The following MTUS2 variants were observed in gnomAD, a reference collection of about 807,000 sequenced individuals.
MTUS2 encodes the protein microtubule associated scaffold protein 2.
A neutral mutation model predicts 114.1 loss-of-function variants in MTUS2; 40 were observed. That is an observed-to-expected ratio of 0.35 (90% CI 0.27 to 0.46). The LOEUF is 0.46. Ranked by LOEUF, MTUS2 falls within the 20% of genes least tolerant of loss-of-function variation. MTUS2 has a pLI of 1.00. For missense variants in MTUS2, 1,679 were observed against 1,705.4 expected (o/e 0.98, Z 0.27); for synonymous variants, 688 against 672.0 (o/e 1.02, Z -0.37).
rs542859447 is a variant in MTUS2 at position 28,943,305 on chromosome 13, C to T, written c.-242-81152C>T. Among the ~76,000 whole-genome samples the T allele has an allele frequency of 4.6e-4, 70 of 152,266 alleles. 1 individual carries two copies. In the Middle Eastern group the frequency reaches 0.01, roughly 22 times the overall value. On this transcript the variant is annotated intron_variant, in intron 2 of 15. Coordinates refer to ENST00000612955, the MANE Select transcript of MTUS2 (RefSeq NM_001033602.4). The stretch of plus-strand genomic sequence containing the variant: ...GATAAACATTTACTGAGTTTCTGCT[C>T]GTGTATCTGGCATTGGGCTAGTGAT...
At chr13:29,160,600 C>A (rs1051109418) in intron 5 of MTUS2, among the ~76,000 whole-genome samples, 10 of 152,080 alleles carry the variant, frequency 6.6e-5, no homozygotes, top group Middle Eastern at 3.2e-3. Flanking sequence ...AAAACCCTGT[C>A]TTTACTAAAA....
chr13:28,820,859 G>A (rs1474884135), intron 1 of MTUS2, among the ~76,000 whole-genome samples: 5 of 152,200 alleles, frequency 3.3e-5, no homozygotes, highest in Non-Finnish European at 7.4e-5. Context: ...TGCTTTAGAG[G>A]CGTTGGTAGG....
chr13:29,244,824 C>T (rs1008723448), intron 5 of MTUS2, among the ~76,000 whole-genome samples: 17 of 149,264 alleles, frequency 1.1e-4, no homozygotes, highest in Admixed American at 1.0e-3. Context: ...GGCATAGTGG[C>T]GGGCGCCTGT....
chr13:29,057,525 A>C (rs751879569), intron 4 of MTUS2, among the ~76,000 whole-genome samples: 4 of 152,104 alleles, frequency 2.6e-5, no homozygotes, highest in Non-Finnish European at 5.9e-5. Flanking sequence ...CTTCTCATTG[A>C]ACTGAATCCT....
At chr13:29,151,506 T>C (rs571107671) in intron 5 of MTUS2, among the ~76,000 whole-genome samples, 118 of 152,208 alleles carry the variant, frequency 7.8e-4, no homozygotes, top group Non-Finnish European at 1.1e-3. Context: ...ACTTCCTCTC[T>C]TCCTGTTTGG....
At chr13:28,957,307 A>G (rs1403459651) in intron 2 of MTUS2, among the ~76,000 whole-genome samples, 4 of 152,182 alleles carry the variant, frequency 2.6e-5, no homozygotes, top group African/African-American at 4.8e-5. Context: ...TTCAATACCC[A>G]TGTTTCCTTT....
chr13:29,111,221 A>T (rs545480940), intron 5 of MTUS2, among the ~76,000 whole-genome samples: 1 of 152,244 alleles, frequency 6.6e-6, no homozygotes, highest in African/African-American at 2.4e-5. Flanking sequence ...GGTTCTTCCA[A>T]AATTAATGAT....
At chr13:29,450,446 T>C (rs1026570651) in intron 9 of MTUS2, among the ~76,000 whole-genome samples, 4 of 152,188 alleles carry the variant, frequency 2.6e-5, no homozygotes, top group Admixed American at 2.0e-4. Flanking sequence ...GTGCTCAGTG[T>C]GTGTTAATTC....
chr13:29,358,806 T>TA (rs1484834171), intron 7 of MTUS2, among the ~76,000 whole-genome samples: 1 of 152,152 alleles, frequency 6.6e-6, no homozygotes, highest in African/African-American at 2.4e-5. Flanking sequence ...AAAGGGTCAC[T>TA]AGAGCAGCCT....
In MTUS2 at chr13:29,344,021, T is replaced by G. The variant is rs546241091; in HGVS notation, c.2906-15241T>G. On this transcript the variant is annotated intron_variant, in intron 7 of 15. Transcript: ENST00000612955. ...TTCCACTGTGGTTTGAAAGAGTACTTGATGTAATTTCAATTTTCTGAAATT... is the reference window on the plus strand; with the variant it reads ...TTCCACTGTGGTTTGAAAGAGTACTGGATGTAATTTCAATTTTCTGAAATT... Among the ~76,000 whole-genome samples the G allele has an allele frequency of 1.3e-3, 192 of 152,272 alleles. 1 individual carries two copies. Among genetic ancestry groups the G allele is most frequent in the Admixed American group, 3.1e-3 (47 of 15,302 alleles).
At chr13:28,896,880 A>G (rs1161958260) in intron 2 of MTUS2, among the ~76,000 whole-genome samples, 1 of 152,202 alleles carries the variant, frequency 6.6e-6, no homozygotes, top group East Asian at 1.9e-4. Context: ...TCCCTTCCTT[A>G]CACCTTATAC....
chr13:29,487,216 C>G (rs1300350354), intron 10 of MTUS2, among the ~76,000 whole-genome samples: 1 of 152,108 alleles, frequency 6.6e-6, no homozygotes, highest in Non-Finnish European at 1.5e-5. Flanking sequence ...CTGGTATTGG[C>G]GAGAGAATCC....
rs1566172268 is a variant in MTUS2, at chr13:29,389,321, A to ATGTGTG, written c.3117+29849_3117+29850insGTGTGT. On this transcript the variant is annotated intron_variant, in intron 8 of 15. Coordinates refer to ENST00000612955, the MANE Select transcript of MTUS2 (RefSeq NM_001033602.4). ...TGTATATGTGTATATATGTATACAC[A>ATGTGTG]TATGTGTGTATATATGTATGCACGT... Among the ~76,000 whole-genome samples, 65 of 54,822 alleles carry ATGTGTG rather than the reference A, an allele frequency of 1.2e-3. 1 individual carries two copies. The highest frequency in any genetic ancestry group is 7.6e-3 in the Admixed American group (32 of 4,232). 36.0% of individuals were successfully genotyped at this position (54,822 alleles called of 152,430 possible).
At chr13:29,369,024 C>T (rs4643156) in intron 8 of MTUS2, among the ~76,000 whole-genome samples, 29,309 of 151,920 alleles carry the variant, frequency 0.19, 3,032 homozygotes, top group Middle Eastern at 0.25. Context: ...AGAAGCCAAA[C>T]GGAGGGGGCA....
chr13:29,219,450 T>C lies in MTUS2; in HGVS notation c.2645-62254T>C, dbSNP rs1455290968. On this transcript the variant is annotated intron_variant, in intron 5 of 15. Coordinates refer to ENST00000612955, the MANE Select transcript of MTUS2 (RefSeq NM_001033602.4). Reference sequence around the variant, plus strand: ...ATAAACATACGTGTGCATGTGTGTTTATAGCAGCATGATTTATAGTCCTTT... The same window carrying C: ...ATAAACATACGTGTGCATGTGTGTTCATAGCAGCATGATTTATAGTCCTTT... Among the ~76,000 whole-genome samples the C allele has an allele frequency of 2.0e-5, 3 of 151,968 alleles. No individual in the cohort carries two copies. The East Asian group carries it at 5.8e-4, about 29-fold the overall frequency.
intron 2 of MTUS2, among the ~76,000 whole-genome samples, chr13:28,841,972 A>G (rs1335144938): frequency 6.6e-6 from 1 of 152,108 alleles, no homozygotes; most frequent in Non-Finnish European, 1.5e-5. Flanking sequence ...GGCGTGAGCC[A>G]CCGCGCCCGG....
chr13:28,965,873 A>C (rs891273768), intron 2 of MTUS2, among the ~76,000 whole-genome samples: 2 of 152,148 alleles, frequency 1.3e-5, no homozygotes, highest in Non-Finnish European at 2.9e-5. Flanking sequence ...AGCTTTTCTC[A>C]AACTCTACTG....
chr13:29,504,632 T>C lies in MTUS2; in HGVS notation c.*1426T>C, dbSNP rs1883115577. ...TCTCTAAAATGGTAGAATTAGGATA[T>C]GAACAGTACTCATGTAGTGGTGTGG... On this transcript the variant is annotated 3_prime_UTR_variant, in exon 16 of 16. Coordinates refer to ENST00000612955, the MANE Select transcript of MTUS2 (RefSeq NM_001033602.4). The C allele has an allele frequency of 4.3e-6, 1 of 233,136 alleles. No individual in the cohort carries two copies. The highest frequency in any genetic ancestry group is 5.6e-5 in the Admixed American group (1 of 17,800). 14.4% of individuals were successfully genotyped at this position (233,136 alleles called of 1,614,324 possible). A position where few individuals can be genotyped will look rare whatever the true frequency, so the allele number is the denominator to read the frequency against.
chr13:29,173,320 T>A (rs573579119), intron 5 of MTUS2, among the ~76,000 whole-genome samples: 1 of 152,324 alleles, frequency 6.6e-6, no homozygotes, highest in African/African-American at 2.4e-5. Context: ...AGTGCTTGTC[T>A]GCCTGAATTC....
Sources: allele counts gnomAD v4.1 joint callset (sites outside exome capture counted in the v4.1 genomes callset), GRCh38; gene constraint gnomAD v4.1.1; transcripts MANE v1.5; gene names NCBI Gene and HGNC (gene_info 2026-07-23, HGNC 2026-07-21).